RCHY1: variants seen among roughly 807,000 people sequenced by gnomAD.
RCHY1 encodes ring finger and CHY zinc finger domain containing 1, also known as RING finger and CHY zinc finger domain-containing protein 1.
RCHY1 carries 21 observed loss-of-function variants against 41.6 expected under a neutral mutation model. The observed-to-expected ratio is 0.51, with a 90% CI of 0.36 to 0.73. The LOEUF is 0.73. Among genes scored for constraint, RCHY1 ranks in the 30% least tolerant of loss-of-function variants. RCHY1 has a pLI of 0.00. For missense variants in RCHY1, 265 were observed against 325.3 expected (o/e 0.81, Z 1.43); for synonymous variants, 79 against 102.9 (o/e 0.77, Z 1.41).
chr4:75,494,967 C>T (rs1169631150), intron 3 of RCHY1, among the ~76,000 whole-genome samples: 3 of 151,840 alleles, frequency 2.0e-5, no homozygotes, highest in Non-Finnish European at 4.4e-5. Context: ...ATTGTCTGTT[C>T]ATATGTTCTG....
chr4:75,494,244 A>T, intron 3 of RCHY1, 65 bp from the exon 4 acceptor site: 1 of 1,147,374 alleles, frequency 8.7e-7, no homozygotes, highest in Non-Finnish European at 1.3e-6. Flanking sequence ...TTTGTTCATT[A>T]TGTAAAACAC....
Position 75,497,259 on chromosome 4 carries a change from A to G in RCHY1, c.327-3080T>C, listed in dbSNP as rs183866772. Among the ~76,000 whole-genome samples the G allele has an allele frequency of 2.0e-4, 31 of 152,310 alleles. 1 individual carries two copies. The highest frequency in any genetic ancestry group is 1.9e-3 in the Admixed American group (29 of 15,290). On this transcript the variant is annotated intron_variant, in intron 3 of 8. Transcript: ENST00000324439. The stretch of plus-strand genomic sequence containing the variant: ...AGTTGAGCCTAACGCTGCCTCCTAC[A>G]TATTTTAAGATCGTCCTAAAAGGCT...
At chr4:75,488,475 T>G (rs545755946) in intron 8 of RCHY1, among the ~76,000 whole-genome samples, 3 of 152,170 alleles carry the variant, frequency 2.0e-5, no homozygotes, top group Non-Finnish European at 2.9e-5. Flanking sequence ...TAACAATTCC[T>G]AGAACTCTAA....
At chr4:75,497,673 T>C (rs1274817471) in intron 3 of RCHY1, among the ~76,000 whole-genome samples, 2 of 152,044 alleles carry the variant, frequency 1.3e-5, no homozygotes, top group African/African-American at 2.4e-5. Context: ...ACACATGCAA[T>C]TGGAGATCCC....
chr4:75,508,566 T>C (rs2148773434), intron 3 of RCHY1, among the ~76,000 whole-genome samples: 1 of 152,250 alleles, frequency 6.6e-6, no homozygotes, highest in African/African-American at 2.4e-5. Context: ...AAATTCTAAA[T>C]AGTTATACAA....
At chr4:75,511,605 T>C (rs541657093) in intron 1 of RCHY1, among the ~76,000 whole-genome samples, 33 of 152,290 alleles carry the variant, frequency 2.2e-4, no homozygotes, top group African/African-American at 7.7e-4. Flanking sequence ...CCCATGTCAT[T>C]GAACAGCATA....
At chr4:75,511,706 A>C (rs1724896338) in intron 1 of RCHY1, among the ~76,000 whole-genome samples, 1 of 152,148 alleles carries the variant, frequency 6.6e-6, no homozygotes, top group Admixed American at 6.5e-5. Context: ...CTTTTTAAAA[A>C]AACTATAGGT....
chr4:75,491,651 T>C lies in RCHY1; in HGVS notation c.510-14A>G. 1 of 1,597,784 alleles carries C rather than the reference T, an allele frequency of 6.3e-7. No homozygotes were observed. The highest frequency in any genetic ancestry group is 8.6e-7 in the Non-Finnish European group (1 of 1,166,338). On this transcript the variant is annotated splice_polypyrimidine_tract_variant and intron_variant, in intron 6 of 8. Transcript: ENST00000324439. ...TCATAACACGTTCTGAAAGAAAATA[T>C]AAGATTATTTTAGTAAAACAAAAAC...
At chr4:75,496,541 T>C (rs1287097784) in intron 3 of RCHY1, among the ~76,000 whole-genome samples, 1 of 152,062 alleles carries the variant, frequency 6.6e-6, no homozygotes, top group Non-Finnish European at 1.5e-5. Flanking sequence ...ACAGTACTAC[T>C]CACACATGGC....
rs1019597971 is a variant in RCHY1, at chr4:75,482,025, T to C, written c.*513A>G. On this transcript the variant is annotated 3_prime_UTR_variant, in exon 9 of 9. Transcript: ENST00000324439. ...ATAAAACAGTTTCAATATAATTTTA[T>C]TAGCAGTTATTACATCAAAATTCAC... The C allele has an allele frequency of 1.3e-5, 2 of 152,148 alleles. No individual in the cohort carries two copies. Among genetic ancestry groups the C allele is most frequent in the African/African-American group, 4.8e-5 (2 of 41,440 alleles). 9.4% of individuals were successfully genotyped at this position (152,148 alleles called of 1,614,324 possible). A position where few individuals can be genotyped will look rare whatever the true frequency, so the allele number is the denominator to read the frequency against.
At chr4:75,486,871 C>T (rs57275697) in intron 8 of RCHY1, among the ~76,000 whole-genome samples, 38,328 of 151,764 alleles carry the variant, frequency 0.25, 5,122 homozygotes, top group African/African-American at 0.33. Flanking sequence ...CCCAGCTACT[C>T]GGGAGGCTGA....
chr4:75,509,499 C>T (rs1343987041), intron 1 of RCHY1: 4 of 492,162 alleles, frequency 8.1e-6, no homozygotes, highest in African/African-American at 1.9e-5. Flanking sequence ...AACATCACTA[C>T]GTCTGTATGA....
chr4:75,501,347 A>T (rs1305364904), intron 3 of RCHY1, among the ~76,000 whole-genome samples: 1 of 152,200 alleles, frequency 6.6e-6, no homozygotes, highest in African/African-American at 2.4e-5. Context: ...AATAGTCATT[A>T]TTGATGATCA....
intron 3 of RCHY1, 136 bp downstream of exon 3, chr4:75,508,684 C>A: frequency 4.0e-6 from 2 of 495,250 alleles, no homozygotes; most frequent in Non-Finnish European, 7.1e-6. Flanking sequence ...CGGTATTTAT[C>A]AAAACTCACT....
Position 75,491,799 on chromosome 4 carries a change from T to A in RCHY1, c.451-17A>T. On this transcript the variant is annotated splice_polypyrimidine_tract_variant and intron_variant, in intron 5 of 8. Coordinates refer to ENST00000324439, the MANE Select transcript of RCHY1 (RefSeq NM_015436.4). ...GTGAATGTCCTGTAAATGAAATAAATGTTAGTGCTTGTATGAAGACAATAT... is the reference window on the plus strand; with the variant it reads ...GTGAATGTCCTGTAAATGAAATAAAAGTTAGTGCTTGTATGAAGACAATAT... 6.2e-7 allele frequency: 1 copy of A among 1,611,642 alleles called. No homozygotes were observed. The highest frequency in any genetic ancestry group is 8.5e-7 in the Non-Finnish European group (1 of 1,178,468).
Position 75,482,647 on chromosome 4 carries a change from T to C in RCHY1, c.677A>G (p.Asn226Ser), listed in dbSNP as rs764896720. 3 of 1,607,140 alleles carry C rather than the reference T, an allele frequency of 1.9e-6. No homozygotes were observed. The highest frequency in any genetic ancestry group is 3.4e-5 in the Admixed American group (2 of 59,206). Reference protein sequence around the residue: ...MTVDILCNDCNGRSTVQFHIL... With the variant: ...MTVDILCNDCSGRSTVQFHIL... The stretch of plus-strand genomic sequence containing the variant: ...ATGAAACTGAACAGTGGATCGTCCA[T>C]TACAGTCATTGCAGAGAATCTGAAA... Residue 226 changes from asparagine to serine, a missense_variant, in exon 9 of 9, where the codon AAT (asparagine) becomes AGT (serine). Transcript: ENST00000324439.
At chr4:75,483,964 C>T (rs750949158) in intron 8 of RCHY1, among the ~76,000 whole-genome samples, 2 of 152,158 alleles carry the variant, frequency 1.3e-5, no homozygotes, top group African/African-American at 2.4e-5. Context: ...TGATCACTCT[C>T]CATAAGCCAA....
intron 3 of RCHY1, among the ~76,000 whole-genome samples, chr4:75,502,241 T>C (rs919883514): frequency 4.0e-5 from 6 of 151,816 alleles, no homozygotes; most frequent in African/African-American, 2.4e-5. Flanking sequence ...ATTCTTTCTT[T>C]AGAAATCTTC....
Position 75,494,199 on chromosome 4 carries a change from C to T in RCHY1, c.327-20G>A. 1 of 1,486,034 alleles carries T rather than the reference C, an allele frequency of 6.7e-7. No individual in the cohort carries two copies. Among genetic ancestry groups the T allele is most frequent in the Non-Finnish European group, 9.2e-7 (1 of 1,090,422 alleles). The allele number at this position is 1,486,034 out of a possible 1,614,324, so 92.1% of individuals were successfully genotyped here. A position where few individuals can be genotyped will look rare whatever the true frequency, so the allele number is the denominator to read the frequency against. Reference sequence around the variant, plus strand: ...CCAATCCTAGCAAAACACATGAAAGCCAAAAGATTAGATTATTTTTTACTA... The same window carrying T: ...CCAATCCTAGCAAAACACATGAAAGTCAAAAGATTAGATTATTTTTTACTA... On this transcript the variant is annotated intron_variant, in intron 3 of 8. Coordinates refer to ENST00000324439, the MANE Select transcript of RCHY1 (RefSeq NM_015436.4).
Sources: allele counts gnomAD v4.1 joint callset (sites outside exome capture counted in the v4.1 genomes callset), GRCh38; gene constraint gnomAD v4.1.1; transcripts MANE v1.5; gene names NCBI Gene and HGNC (gene_info 2026-07-23, HGNC 2026-07-21).